The following ZCCHC7 variants were observed in gnomAD, a reference collection of about 807,000 sequenced individuals.
ZCCHC7 encodes zinc finger CCHC domain-containing protein 7.
A neutral mutation model predicts 52.0 loss-of-function variants in ZCCHC7; 35 were observed. The ratio of observed to expected loss-of-function variants is 0.67; its 90% confidence interval spans 0.51 to 0.89. The LOEUF is 0.89. Among genes scored for constraint, ZCCHC7 ranks in the 40% least tolerant of loss-of-function variants. The pLI is 0.00. For synonymous variants in ZCCHC7, 217 were observed against 221.5 expected (o/e 0.98, Z 0.18); for missense variants, 574 against 649.1 (o/e 0.88, Z 1.26).
chr9:37,268,705 C>A (rs979915513), intron 2 of ZCCHC7, among the ~76,000 whole-genome samples: 1 of 152,280 alleles, frequency 6.6e-6, no homozygotes, highest in South Asian at 2.1e-4. Flanking sequence ...GGATTACAGG[C>A]GTGAGCCACC....
At chr9:37,223,820 C>G (rs1211371727) in intron 2 of ZCCHC7, among the ~76,000 whole-genome samples, 2 of 151,942 alleles carry the variant, frequency 1.3e-5, no homozygotes, top group Non-Finnish European at 2.9e-5. Context: ...AGTCTATAAC[C>G]ATTGACAGTG....
chr9:37,190,393 C>G (rs746452060), intron 2 of ZCCHC7, among the ~76,000 whole-genome samples: 1 of 152,196 alleles, frequency 6.6e-6, no homozygotes, highest in African/African-American at 2.4e-5. Context: ...TTCTCTTTGT[C>G]TATCCCTGAG....
chr9:37,268,623 T>G (rs1827231848), intron 2 of ZCCHC7, among the ~76,000 whole-genome samples: 1 of 152,130 alleles, frequency 6.6e-6, no homozygotes, highest in East Asian at 1.9e-4. Flanking sequence ...AGACGGGGTT[T>G]CACCGTGTTA....
intron 2 of ZCCHC7, among the ~76,000 whole-genome samples, chr9:37,161,574 CA>C (rs544563693): frequency 8.0e-5 from 11 of 137,032 alleles, no homozygotes; most frequent in South Asian, 2.3e-4. Context: ...GACTCTGTCT[CA>C]AAAAAAAAAG....
intron 2 of ZCCHC7, among the ~76,000 whole-genome samples, chr9:37,159,140 T>C (rs190690709): frequency 6.6e-6 from 1 of 152,362 alleles, no homozygotes; most frequent in African/African-American, 2.4e-5. Flanking sequence ...TTCTCTCCGA[T>C]TTATATAATC....
chr9:37,324,787 G>A (rs1297497853), intron 5 of ZCCHC7, among the ~76,000 whole-genome samples: 2 of 152,200 alleles, frequency 1.3e-5, no homozygotes, highest in East Asian at 3.9e-4. Flanking sequence ...CTGGCCAAGG[G>A]GAGCTGAGGA....
intron 2 of ZCCHC7, among the ~76,000 whole-genome samples, chr9:37,178,729 T>A (rs1340107695): frequency 6.6e-6 from 1 of 152,236 alleles, no homozygotes; most frequent in African/African-American, 2.4e-5. Context: ...AAAGTAAATT[T>A]TGGGTTTCTG....
At chr9:37,288,311 T>TATAG (rs147253796) in intron 2 of ZCCHC7, among the ~76,000 whole-genome samples, 6 of 149,282 alleles carry the variant, frequency 4.0e-5, no homozygotes, top group South Asian at 2.1e-4. Context: ...TATCTATCTA[T>TATAG]ATAGATAGAT....
At chr9:37,269,631 A>AC (rs1564214462) in intron 2 of ZCCHC7, among the ~76,000 whole-genome samples, 2 of 148,696 alleles carry the variant, frequency 1.3e-5, no homozygotes, top group African/African-American at 4.9e-5. Flanking sequence ...AAAAAAAAAA[A>AC]AAAAAAAAAA....
At chr9:37,332,825 T>A (rs190958250) in intron 6 of ZCCHC7, among the ~76,000 whole-genome samples, 1 of 151,782 alleles carries the variant, frequency 6.6e-6, no homozygotes, top group Non-Finnish European at 1.5e-5. Flanking sequence ...AAATGAATGT[T>A]GTGAATTATA....
chr9:37,204,089 C>G (rs936555299), intron 2 of ZCCHC7, among the ~76,000 whole-genome samples: 14 of 152,118 alleles, frequency 9.2e-5, no homozygotes, highest in Non-Finnish European at 1.8e-4. Flanking sequence ...TGTTTGTCAG[C>G]CGTGTAAATG....
chr9:37,212,026 C>CAAAAAA lies in ZCCHC7; in HGVS notation c.610+85118_610+85123dup, dbSNP rs574190937. On this transcript the variant is annotated intron_variant, in intron 2 of 8. Transcript: ENST00000336755. ...TGGGTGACAGAGCGAGACTCCGTCT[C>CAAAAAA]AAAAAAAAAAAAAAAAAAAAAAAAA... Among the ~76,000 whole-genome samples the CAAAAAA allele has an allele frequency of 9.9e-3, 550 of 55,394 alleles. 57 individuals carry two copies. Among genetic ancestry groups the CAAAAAA allele is most frequent in the Non-Finnish European group, 0.013 (396 of 30,228 alleles). The allele number at this position is 55,394 out of a possible 152,430, so 36.3% of individuals were successfully genotyped here. A position where few individuals can be genotyped will look rare whatever the true frequency, so the allele number is the denominator to read the frequency against.
intron 2 of ZCCHC7, among the ~76,000 whole-genome samples, chr9:37,193,475 A>G (rs1394360627): frequency 6.6e-6 from 1 of 152,212 alleles, no homozygotes; most frequent in Non-Finnish European, 1.5e-5. Flanking sequence ...ACCAATAATT[A>G]TCCCATATTT....
intron 2 of ZCCHC7, among the ~76,000 whole-genome samples, chr9:37,292,211 T>C (rs1588623473): frequency 6.6e-6 from 1 of 152,218 alleles, no homozygotes; most frequent in South Asian, 2.1e-4. Context: ...TTTATTCTTC[T>C]ATAAATTATG....
At chr9:37,344,885 G>A (rs559523027) in intron 6 of ZCCHC7, among the ~76,000 whole-genome samples, 1 of 152,268 alleles carries the variant, frequency 6.6e-6, no homozygotes, top group Admixed American at 6.5e-5. Context: ...AGGAATGCAT[G>A]CATACACTCA....
intron 5 of ZCCHC7, among the ~76,000 whole-genome samples, chr9:37,308,901 A>C (rs1250889619): frequency 6.6e-6 from 1 of 151,568 alleles, no homozygotes; most frequent in African/African-American, 2.4e-5. Flanking sequence ...GAATCGCTTG[A>C]ACCTGGGAGG....
chr9:37,339,696 T>C (rs1401170427), intron 6 of ZCCHC7, among the ~76,000 whole-genome samples: 2 of 152,182 alleles, frequency 1.3e-5, no homozygotes, highest in Non-Finnish European at 2.9e-5. Flanking sequence ...TATATTTGCT[T>C]TTTAATATAT....
intron 2 of ZCCHC7, among the ~76,000 whole-genome samples, chr9:37,261,766 G>T (rs1402610351): frequency 1.3e-5 from 2 of 152,268 alleles, no homozygotes; most frequent in East Asian, 3.9e-4. Context: ...TATGTAATCA[G>T]TATTGCTTTT....
At chr9:37,123,755 T>C (rs1842423746) in intron 1 of ZCCHC7, among the ~76,000 whole-genome samples, 1 of 152,210 alleles carries the variant, frequency 6.6e-6, no homozygotes, top group African/African-American at 2.4e-5. Context: ...TTGACTTCTT[T>C]TAGAATTAAT....
Sources: allele counts gnomAD v4.1 joint callset (sites outside exome capture counted in the v4.1 genomes callset), GRCh38; gene constraint gnomAD v4.1.1; transcripts MANE v1.5; gene names NCBI Gene and HGNC (gene_info 2026-07-23, HGNC 2026-07-21).